The following PRRC2C variants were observed in gnomAD, a reference collection of about 807,000 sequenced individuals.
The protein encoded by PRRC2C is protein PRRC2C.
Under a neutral mutation model 317.2 loss-of-function variants are expected in PRRC2C, and 72 were observed. The observed-to-expected ratio is 0.23, with a 90% confidence interval of 0.19 to 0.28. PRRC2C has a LOEUF of 0.28. Among genes scored for constraint, PRRC2C ranks in the 10% least tolerant of loss-of-function variants. The pLI is 1.00. For missense variants in PRRC2C, 3,074 were observed against 3,459.7 expected (o/e 0.89, Z 2.80); for synonymous variants, 1,296 against 1,205.9 (o/e 1.07, Z -1.55).
chr1:171,545,733 A>G (rs1243630742), intron 17 of PRRC2C, 46 bp downstream of exon 17: 6 of 1,111,474 alleles, frequency 5.4e-6, no homozygotes, highest in Non-Finnish European at 6.9e-6. Context: ...TTATTTATTT[A>G]TTTATTTATT....
At chr1:171,487,637 T>C (rs2223898) in intron 1 of PRRC2C, among the ~76,000 whole-genome samples, 123,458 of 152,028 alleles carry the variant, frequency 0.81, 50,218 homozygotes, top group Middle Eastern at 0.9. Flanking sequence ...TGGTAGAATA[T>C]TCCCTCATCT....
intron 24 of PRRC2C, among the ~76,000 whole-genome samples, chr1:171,572,542 T>C (rs1237778970): frequency 1.3e-5 from 2 of 152,226 alleles, no homozygotes; most frequent in East Asian, 3.8e-4. Context: ...GCTTAACAAA[T>C]ATAAGTTTGA....
In PRRC2C at chr1:171,588,391, A is replaced by G. The variant is rs539805150; in HGVS notation, c.8085A>G (p.Thr2695=). Residue 2695 remains threonine (T), a synonymous_variant, in exon 33 of 35, where the codon ACA becomes ACG. Transcript: ENST00000647382. ...PTSSPFRATS[T]SPNSQSSKMN... The stretch of plus-strand genomic sequence containing the variant: ...GCTTCTTTCCAAGGGCTACTTCTAC[A>G]AGTCCGAACAGCCAGTCCAGCAAAA... 311 of 1,613,746 alleles carry G rather than the reference A, an allele frequency of 1.9e-4. 5 individuals carry two copies. In the South Asian group the frequency reaches 3.2e-3, roughly 17 times the overall value.
At chr1:171,544,335 G>A (rs1302144097) in intron 16 of PRRC2C, among the ~76,000 whole-genome samples, 2 of 152,120 alleles carry the variant, frequency 1.3e-5, no homozygotes, top group African/African-American at 4.8e-5. Context: ...TGTTTGCCAG[G>A]CTGGTCTCGA....
Position 171,517,644 on chromosome 1 carries a change from G to A in PRRC2C, c.580G>A (p.Asp194Asn), listed in dbSNP as rs768273283. Residue 194 changes from aspartate to asparagine, a missense_variant, in exon 6 of 35, where the codon GAT becomes AAT. Asp to Asn is a conservative substitution (Grantham distance 23, BLOSUM62 1). Transcript: ENST00000647382. The part of the protein sequence containing the change: ...GKAAGSPSSS[D>N]QDEKLPGQDE... ...GGCTGCTGGCTCACCTTCGTCATCT[G>A]ATCAAGATGAAAAGCTCCCTGGCCA... is the stretch of plus-strand genomic sequence containing the variant. The A allele has an allele frequency of 6.2e-7, 1 of 1,612,996 alleles. No individual in the cohort carries two copies. The highest frequency in any genetic ancestry group is 1.3e-5 in the African/African-American group (1 of 74,688).
At position 171,577,644 on chromosome 1, in the gene PRRC2C, T is replaced by G; in HGVS notation, c.7159+7T>G. The G allele has an allele frequency of 6.2e-7, 1 of 1,606,654 alleles. No individual in the cohort carries two copies. The highest frequency in any genetic ancestry group is 1.3e-5 in the African/African-American group (1 of 74,856). On this transcript the variant is annotated splice_region_variant and intron_variant, in intron 26 of 34. Transcript: ENST00000647382. ...GTGTCTCAGTCTGCAGCAGGTAATG[T>G]TTTTAGGCTTGAATATAAGGAATTT...
intron 1 of PRRC2C, among the ~76,000 whole-genome samples, chr1:171,493,790 C>T (rs1198174596): frequency 6.6e-6 from 1 of 151,956 alleles, no homozygotes; most frequent in Non-Finnish European, 1.5e-5. Flanking sequence ...GGCAACAGAG[C>T]AAGACTCTGT....
chr1:171,500,841 A>G (rs1668968986), intron 1 of PRRC2C, among the ~76,000 whole-genome samples: 1 of 152,108 alleles, frequency 6.6e-6, no homozygotes, highest in Non-Finnish European at 1.5e-5. Flanking sequence ...CAAAAACAAA[A>G]CTGTTACAAG....
intron 1 of PRRC2C, among the ~76,000 whole-genome samples, chr1:171,499,648 A>G (rs1668734245): frequency 6.6e-6 from 1 of 152,148 alleles, no homozygotes; most frequent in Non-Finnish European, 1.5e-5. Context: ...TACTAAAAAT[A>G]CAAAAATTAG....
At position 171,540,198 on chromosome 1, in the gene PRRC2C, A is replaced by T. The variant is rs752671652; in HGVS notation, c.2732A>T (p.Glu911Val). The stretch of plus-strand genomic sequence containing the variant: ...CAAAAGACCTTATCCGCTCCTCAAG[A>T]GGAGCGGATTTCAGCTGTAGAAAGT... ...PDQKTLSAPQ[E>V]ERISAVESQP... The change falls in exon 16 of 35, where the codon GAG (glutamate) becomes GTG (valine). Residue 911 changes from glutamate (E) to valine (V), a missense_variant. By Grantham distance (121) the Glu-to-Val change is moderately radical. Coordinates refer to ENST00000647382, the MANE Select transcript of PRRC2C (RefSeq NM_001387844.1). 3 of 1,613,938 alleles carry T rather than the reference A, an allele frequency of 1.9e-6. No individual in the cohort carries two copies. In the East Asian group the frequency reaches 6.7e-5, roughly 36 times the overall value.
intron 1 of PRRC2C, among the ~76,000 whole-genome samples, chr1:171,493,030 G>A (rs539658972): frequency 1.1e-4 from 17 of 151,862 alleles, no homozygotes; most frequent in Non-Finnish European, 2.5e-4. Flanking sequence ...ATTACAAGGC[G>A]TGAGCCACTG....
In PRRC2C at chr1:171,577,621, G is replaced by A; in HGVS notation, c.7143G>A (p.Val2381=). Residue 2381 remains valine (V), a synonymous_variant, in exon 26 of 35, where the codon GTG becomes GTA. Transcript: ENST00000647382. The stretch of plus-strand genomic sequence containing the variant: ...AGCAACAGAATCCGCAAGTTTATGT[G>A]TCTCAGTCTGCAGCAGGTAATGTTT... The part of the protein sequence containing the change: ...AQQQQNPQVY[V]SQSAAAQIPA... The A allele has an allele frequency of 6.2e-7, 1 of 1,612,848 alleles. No homozygotes were observed. The highest frequency in any genetic ancestry group is 1.1e-5 in the South Asian group (1 of 91,060).
At chr1:171,576,518 T>G (rs1215826955) in intron 25 of PRRC2C, among the ~76,000 whole-genome samples, 1 of 152,214 alleles carries the variant, frequency 6.6e-6, no homozygotes, top group Non-Finnish European at 1.5e-5. Context: ...GGGCTAGTAC[T>G]AAAGTCATAA....
chr1:171,536,385 G>C lies in PRRC2C; in HGVS notation c.2293+107G>C, dbSNP rs12139715. On this transcript the variant is annotated intron_variant, in intron 14 of 34. Coordinates refer to ENST00000647382, the MANE Select transcript of PRRC2C (RefSeq NM_001387844.1). ...TAATCTAGGAAAAACTTAAACCTCC[G>C]ATTTTTAATCAAAATGATGTAACTT... 9.0e-6 allele frequency: 11 copies of C among 1,228,536 alleles called. No individual in the cohort carries two copies. The East Asian group carries it at 2.6e-4, about 29-fold the overall frequency. The allele number at this position is 1,228,536 out of a possible 1,614,324, so 76.1% of individuals were successfully genotyped here. A position where few individuals can be genotyped will look rare whatever the true frequency, so the allele number is the denominator to read the frequency against.
chr1:171,566,563 A>G, intron 21 of PRRC2C, 29 bp from the exon 22 acceptor site: 1 of 1,529,924 alleles, frequency 6.5e-7, no homozygotes, highest in African/African-American at 1.4e-5. Flanking sequence ...TATCATAAAC[A>G]TAGTTTTATC....
chr1:171,545,239 T>C (rs1678852032), intron 16 of PRRC2C, among the ~76,000 whole-genome samples: 1 of 152,208 alleles, frequency 6.6e-6, no homozygotes, highest in Admixed American at 6.5e-5. Flanking sequence ...CTGGTATAAC[T>C]AGAATTCTAG....
Position 171,510,870 on chromosome 1 carries a change from A to G in PRRC2C, c.-57-1162A>G, listed in dbSNP as rs964848494. 8 of 152,214 alleles carry G rather than the reference A, an allele frequency of 5.3e-5. No homozygotes were observed. The South Asian group carries it at 1.0e-3, about 20-fold the overall frequency. The allele number at this position is 152,214 out of a possible 1,614,324, so 9.4% of individuals were successfully genotyped here. A position where few individuals can be genotyped will look rare whatever the true frequency, so the allele number is the denominator to read the frequency against. ...GTGTAAAAATCAAGACAGTAACTACATTGTAAAGTTGTTTGACTGAAATGA... is the reference window on the plus strand; with the variant it reads ...GTGTAAAAATCAAGACAGTAACTACGTTGTAAAGTTGTTTGACTGAAATGA... On this transcript the variant is annotated intron_variant, in intron 1 of 34. Coordinates refer to ENST00000647382, the MANE Select transcript of PRRC2C (RefSeq NM_001387844.1).
chr1:171,552,638 T>C lies in PRRC2C; in HGVS notation c.5127+2398T>C, dbSNP rs557051007. On this transcript the variant is annotated intron_variant, in intron 18 of 34. Transcript: ENST00000647382. ...TCTTATTATTTTGAGACAAGTTCCA[T>C]TGATACCTAGTTTATTGAGAGTTTT... 2.0e-5 allele frequency among the ~76,000 whole-genome samples: 3 copies of C among 152,310 alleles called. No homozygotes were observed. The South Asian group carries it at 6.2e-4, about 32-fold the overall frequency.
intron 17 of PRRC2C, among the ~76,000 whole-genome samples, chr1:171,548,904 T>G (rs1679668759): frequency 6.6e-6 from 1 of 152,186 alleles, no homozygotes; most frequent in Non-Finnish European, 1.5e-5. Flanking sequence ...CAGGCTGGAG[T>G]GCAGTGGCTT....
Sources: allele counts gnomAD v4.1 joint callset (sites outside exome capture counted in the v4.1 genomes callset), GRCh38; gene constraint gnomAD v4.1.1; transcripts MANE v1.5; gene names NCBI Gene and HGNC (gene_info 2026-07-23, HGNC 2026-07-21).